USPL1: variants seen among roughly 807,000 people sequenced by gnomAD.
USPL1 encodes SUMO-specific isopeptidase USPL1.
A neutral mutation model predicts 51.5 loss-of-function variants in USPL1; 27 were observed. The observed-to-expected ratio is 0.52, with a 90% CI of 0.39 to 0.72. The LOEUF (loss-of-function observed/expected upper bound fraction) is 0.72. USPL1 is among the 30% of genes least tolerant of loss of function. USPL1 has a pLI of 0.00. For missense variants in USPL1, 1,226 were observed against 1,268.0 expected, an observed-to-expected ratio of 0.97 and a Z score of 0.50; for synonymous variants, 451 against 459.6, an observed-to-expected ratio of 0.98 and a Z score of 0.24.
chr13:30,623,033 T>C (rs1228102808), intron 3 of USPL1, among the ~76,000 whole-genome samples: 11 of 152,122 alleles, frequency 7.2e-5, no homozygotes, highest in Non-Finnish European at 1.6e-4. Context: ...GTATGTGTTT[T>C]TCTGTCAGGT....
chr13:30,633,141 G>A (rs184216334), intron 4 of USPL1, among the ~76,000 whole-genome samples: 107 of 152,202 alleles, frequency 7.0e-4, no homozygotes, highest in Middle Eastern at 3.4e-3. Flanking sequence ...CATTTAACCC[G>A]AGGTCTGAAA....
At chr13:30,637,099 G>GTA (rs1282150888) in intron 4 of USPL1, among the ~76,000 whole-genome samples, 1 of 152,040 alleles carries the variant, frequency 6.6e-6, no homozygotes, top group East Asian at 1.9e-4. Context: ...GGGACTACGG[G>GTA]TGGGTACCAC....
chr13:30,658,582 T>G lies in USPL1; in HGVS notation c.2505T>G (p.Ser835=), dbSNP rs1002757563. 6.2e-7 allele frequency: 1 copy of G among 1,614,106 alleles called. No individual in the cohort carries two copies. The highest frequency in any genetic ancestry group is 1.3e-5 in the African/African-American group (1 of 74,952). The change falls in exon 9 of 9, where the codon TCT becomes TCG. Residue 835 remains serine (S), a synonymous_variant. Coordinates refer to ENST00000255304, the MANE Select transcript of USPL1 (RefSeq NM_005800.5). The stretch of plus-strand genomic sequence containing the variant: ...AGCCACCAGCAGGCCCTCCATCGTC[T>G]AATGGCACAGCTGCCCACCCACATG... The part of the protein sequence containing the change: ...ISKPPAGPPS[S]NGTAAHPHAH...
In USPL1 at chr13:30,637,772, AAT is replaced by A; in HGVS notation, c.900_901del (p.Phe301CysfsTer9). Reference sequence around the variant, plus strand: ...GAGATTGTAAAAAACTTACCTCAGAAATATTTGCAGAGATAGAGACCTGTCTG... The same window carrying A: ...GAGATTGTAAAAAACTTACCTCAGAAATTTGCAGAGATAGAGACCTGTCTG... ...DGDCKKLTSE[I>X]FAEIETCLNE... On this transcript the variant is annotated frameshift_variant, in exon 5 of 9. Transcript: ENST00000255304. LOFTEE classifies it high-confidence loss of function. 6.2e-7 allele frequency: 1 copy of A among 1,612,496 alleles called. No individual in the cohort carries two copies. Among genetic ancestry groups the A allele is most frequent in the Non-Finnish European group, 8.5e-7 (1 of 1,179,554 alleles).
rs532095146 is a variant in USPL1 at position 30,630,806 on chromosome 13, G to A, written c.229-29G>A. On this transcript the variant is annotated intron_variant, in intron 3 of 8. Coordinates refer to ENST00000255304, the MANE Select transcript of USPL1 (RefSeq NM_005800.5). ...ACATGAAGTTATTTGAATTTGTGTA[G>A]TTTTTATCATTTTATTTTTACTTTC... 148 of 1,545,866 alleles carry A rather than the reference G, an allele frequency of 9.6e-5. 3 individuals are homozygous for A. The South Asian group carries it at 1.8e-3, about 18-fold the overall frequency.
At chr13:30,624,577 G>A (rs974574941) in intron 3 of USPL1, among the ~76,000 whole-genome samples, 12 of 152,278 alleles carry the variant, frequency 7.9e-5, no homozygotes, top group African/African-American at 2.9e-4. Context: ...CTGTGATTGT[G>A]CCACTGCATT....
In USPL1 at chr13:30,631,339, T is replaced by C; in HGVS notation, c.733T>C (p.Leu245=). 6.2e-7 allele frequency: 1 copy of C among 1,614,176 alleles called. No homozygotes were observed. The highest frequency in any genetic ancestry group is 1.1e-5 in the South Asian group (1 of 91,078). The part of the protein sequence containing the change: ...LCWLDCILSA[L]VHSEELKNTV... Reference sequence around the variant, plus strand: ...TTGGTTAGACTGTATCCTGTCAGCTTTGGTGCACTCGGAAGAGTTAAAGAA... The same window carrying C: ...TTGGTTAGACTGTATCCTGTCAGCTCTGGTGCACTCGGAAGAGTTAAAGAA... The change falls in exon 4 of 9, where the codon TTG becomes CTG. Residue 245 remains leucine (L), a synonymous_variant. Coordinates refer to ENST00000255304, the MANE Select transcript of USPL1 (RefSeq NM_005800.5).
At chr13:30,623,568 G>A (rs924709735) in intron 3 of USPL1, among the ~76,000 whole-genome samples, 1 of 152,168 alleles carries the variant, frequency 6.6e-6, no homozygotes, top group Non-Finnish European at 1.5e-5. Flanking sequence ...AAAAGTCTTG[G>A]AATTTCCTGA....
Position 30,657,835 on chromosome 13 carries a change from G to T in USPL1, c.1758G>T (p.Leu586=). The T allele has an allele frequency of 6.2e-7, 1 of 1,613,982 alleles. No homozygotes were observed. The highest frequency in any genetic ancestry group is 2.2e-5 in the East Asian group (1 of 44,884). The change falls in exon 9 of 9, where the codon CTG becomes CTT. Residue 586 remains leucine, a synonymous_variant. Coordinates refer to ENST00000255304, the MANE Select transcript of USPL1 (RefSeq NM_005800.5). ...GTTTGGTTGACAATATTTTACCTCT[G>T]ACACTTGAAGAAACTATCCAGAAAA... ...PKGLVDNILP[L]TLEETIQKTA...
chr13:30,620,013 G>A (rs1950627520), intron 1 of USPL1, among the ~76,000 whole-genome samples: 1 of 152,204 alleles, frequency 6.6e-6, no homozygotes, highest in South Asian at 2.1e-4. Context: ...TATTTGTAGT[G>A]CTGCAGTTGA....
rs953656574 is a variant in USPL1 at position 30,618,041 on chromosome 13, G to A, written c.-84G>A. 2.0e-5 allele frequency: 3 copies of A among 152,502 alleles called. No homozygotes were observed. Among genetic ancestry groups the A allele is most frequent in the Admixed American group, 6.5e-5 (1 of 15,282 alleles). 9.4% of individuals were successfully genotyped at this position (152,502 alleles called of 1,614,324 possible). A position where few individuals can be genotyped will look rare whatever the true frequency, so the allele number is the denominator to read the frequency against. On this transcript the variant is annotated 5_prime_UTR_variant, in exon 1 of 9. Coordinates refer to ENST00000255304, the MANE Select transcript of USPL1 (RefSeq NM_005800.5). ...TCCGATCGACCCGGTACCAAGAAGG[G>A]GAGTGCCCGCGGCAGGTAAGGGAGA...
In USPL1 at chr13:30,659,252, A is replaced by G. The variant is rs1951221845; in HGVS notation, c.3175A>G (p.Thr1059Ala). 10 of 1,614,052 alleles carry G rather than the reference A, an allele frequency of 6.2e-6. No homozygotes were observed. The highest frequency in any genetic ancestry group is 8.5e-6 in the Non-Finnish European group (10 of 1,180,018). ...ATTAAACTTGGAGAGTCCGATGAAG[A>G]CTGATATTTTCGATGAGTTTTTTTC... ...RTLNLESPMK[T>A]DIFDEFFSSS... The change falls in exon 9 of 9, where the codon ACT (threonine) becomes GCT (alanine). Residue 1059 changes from threonine to alanine, a missense_variant. Coordinates refer to ENST00000255304, the MANE Select transcript of USPL1 (RefSeq NM_005800.5).
At chr13:30,642,307 CT>C (rs111236247) in intron 5 of USPL1, among the ~76,000 whole-genome samples, 70 of 147,028 alleles carry the variant, frequency 4.8e-4, no homozygotes, top group East Asian at 1.8e-3. Flanking sequence ...GTTCCGAGAT[CT>C]TTTTTTTTTT....
At position 30,631,232 on chromosome 13, in the gene USPL1, A is replaced by C. The variant is rs1950800779; in HGVS notation, c.626A>C (p.Lys209Thr). ...PSPQNEGCTS[K>T]LEMPLESKCT... is the part of the protein sequence containing the mutation. ...CCTCAAAATGAAGGATGTACATCTA[A>C]ACTGGAAATGCCACTGGAGAGCAAA... is the stretch of plus-strand genomic sequence containing the variant. The change falls in exon 4 of 9, where the codon AAA (lysine) becomes ACA (threonine). Residue 209 changes from lysine to threonine, a missense_variant. Lys to Thr is a moderately conservative substitution (Grantham distance 78). Transcript: ENST00000255304. 1 of 1,614,156 alleles carries C rather than the reference A, an allele frequency of 6.2e-7. No individual in the cohort carries two copies. Among genetic ancestry groups the C allele is most frequent in the Non-Finnish European group, 8.5e-7 (1 of 1,180,024 alleles).
In USPL1 at chr13:30,659,740, G is replaced by A. The variant is rs1003198820; in HGVS notation, c.*384G>A. 7 of 167,042 alleles carry A rather than the reference G, an allele frequency of 4.2e-5. No individual in the cohort carries two copies. Among genetic ancestry groups the A allele is most frequent in the South Asian group, 1.6e-4 (1 of 6,102 alleles). The allele number at this position is 167,042 out of a possible 1,614,324, so 10.3% of individuals were successfully genotyped here. The stretch of plus-strand genomic sequence containing the variant: ...TTCTTCCCCTGGAAACCTGTTGCTC[G>A]TGGCGCTTTGCCCACGGTGCCCGAG... On this transcript the variant is annotated 3_prime_UTR_variant, in exon 9 of 9. Coordinates refer to ENST00000255304, the MANE Select transcript of USPL1 (RefSeq NM_005800.5).
At chr13:30,629,253 C>T (rs1950765722) in intron 3 of USPL1, among the ~76,000 whole-genome samples, 1 of 152,106 alleles carries the variant, frequency 6.6e-6, no homozygotes, top group Non-Finnish European at 1.5e-5. Flanking sequence ...TCTGGAACTC[C>T]AGCACTTTGG....
intron 6 of USPL1, among the ~76,000 whole-genome samples, chr13:30,644,571 C>T (rs773869971): frequency 2.0e-4 from 30 of 152,160 alleles, no homozygotes; most frequent in Non-Finnish European, 2.9e-4. Flanking sequence ...CAAAGAATAT[C>T]GCAAGGATTT....
chr13:30,632,294 C>T (rs1374324532), intron 4 of USPL1, among the ~76,000 whole-genome samples: 2 of 151,812 alleles, frequency 1.3e-5, no homozygotes, highest in African/African-American at 2.4e-5. Flanking sequence ...AGGACATGAA[C>T]TCATCCTTTT....
At chr13:30,633,610 A>G (rs1194535006) in intron 4 of USPL1, among the ~76,000 whole-genome samples, 1 of 151,830 alleles carries the variant, frequency 6.6e-6, no homozygotes, top group Admixed American at 6.6e-5. Context: ...ATCTCTACTA[A>G]AAAATACAAA....
Sources: gnomAD v4.1 joint callset for allele counts (sites outside exome capture counted in the v4.1 genomes callset) on GRCh38, gnomAD v4.1.1 for gene constraint, MANE v1.5 for transcripts, NCBI Gene and HGNC (gene_info 2026-07-23, HGNC 2026-07-21) for gene names.